PFKL: variants seen among roughly 807,000 people sequenced by gnomAD.
PFKL encodes the protein phosphofructokinase, liver type, also known as ATP-dependent 6-phosphofructokinase, liver type.
PFKL carries 74 observed loss-of-function variants against 92.1 expected under a neutral mutation model. That is an observed-to-expected ratio of 0.80 (90% CI 0.67 to 0.97). The LOEUF is 0.97. Ranked by LOEUF, PFKL falls within the 50% of genes least tolerant of loss-of-function variation. The probability of loss-of-function intolerance (pLI) is 0.00; values close to 1 mark genes in which losing one functional copy is unlikely to be tolerated. For synonymous variants in PFKL, 494 were observed against 456.4 expected (o/e 1.08, Z -1.05); for missense variants, 1,028 against 1,116.6 (o/e 0.92, Z 1.13).
chr21:44,303,847 C>G (rs2040849048), intron 1 of PFKL, among the ~76,000 whole-genome samples: 2 of 152,164 alleles, frequency 1.3e-5, no homozygotes, highest in Non-Finnish European at 2.9e-5. Context: ...CTATCACCTG[C>G]TGGTAGGCAG....
rs1404341266 is a variant in PFKL at position 44,300,306 on chromosome 21, CGCCCCGGCCTCCCGCCCCGGCCTCCT to C, written c.85+124_85+149del. On this transcript the variant is annotated intron_variant, in intron 1 of 21. Transcript: ENST00000349048. ...CGGGTCTCGGGCCGGCCCGGCCTCC[CGCCCCGGCCTCCCGCCCCGGCCTCCT>C]GCCCCGGGTCTGTCCCCCGCTCTTC... 1.0e-4 allele frequency: 32 copies of C among 321,304 alleles called. No individual in the cohort carries two copies. In the Admixed American group the frequency reaches 1.5e-3, roughly 15 times the overall value. The allele number at this position is 321,304 out of a possible 1,614,324, so 19.9% of individuals were successfully genotyped here. A position where few individuals can be genotyped will look rare whatever the true frequency, so the allele number is the denominator to read the frequency against.
intron 1 of PFKL, 58 bp downstream of exon 1, chr21:44,300,248 G>T (rs2040729461): frequency 1.2e-6 from 1 of 856,972 alleles, no homozygotes; most frequent in South Asian, 5.2e-5. Flanking sequence ...CTCCGCCCTG[G>T]CCTCTCCGGA....
In PFKL at chr21:44,326,174, A is replaced by G; in HGVS notation, c.2105A>G (p.Asn702Ser). 2 of 1,612,828 alleles carry G rather than the reference A, an allele frequency of 1.2e-6. No homozygotes were observed. Among genetic ancestry groups the G allele is most frequent in the Non-Finnish European group, 1.7e-6 (2 of 1,179,682 alleles). ...EVYRKGRVFANAPDSACVIGL... is the reference protein window; with the variant it reads ...EVYRKGRVFASAPDSACVIGL... ...CTGTTTGCAGGACGGGTGTTCGCCA[A>G]TGCCCCAGACTCGGCCTGCGTGATC... Residue 702 changes from asparagine (N) to serine (S), a missense_variant, in exon 21 of 22, where the codon AAT (asparagine) becomes AGT (serine). By Grantham distance (46) the Asn-to-Ser change is conservative. Transcript: ENST00000349048.
At chr21:44,315,523 TAGG>T in intron 7 of PFKL, 1 of 152,992 alleles carries the variant, frequency 6.5e-6, no homozygotes, top group Non-Finnish European at 1.5e-5. Context: ...CCTGTCCCTG[TAGG>T]AGGCATTGTG....
chr21:44,312,316 T>A, intron 4 of PFKL, 22 bp downstream of exon 4: 2 of 1,558,220 alleles, frequency 1.3e-6, no homozygotes, highest in East Asian at 2.5e-5. Flanking sequence ...CCCGGCGCAC[T>A]GTAGGCCCTG....
In PFKL at chr21:44,324,458, G is replaced by A. The variant is rs144833708; in HGVS notation, c.1651-33G>A. The stretch of plus-strand genomic sequence containing the variant: ...ACGGCCTACAGGGAAGGGTGGGCAC[G>A]TGGAGGACCCCCGACCCCCCCTTGT... On this transcript the variant is annotated intron_variant, in intron 16 of 21. Transcript: ENST00000349048. The A allele has an allele frequency of 1.9e-4, 301 of 1,610,374 alleles. 2 individuals are homozygous for A. The African/African-American group carries it at 3.0e-3, about 16-fold the overall frequency.
intron 19 of PFKL, 30 bp from the exon 20 acceptor site, chr21:44,325,931 T>A: frequency 6.4e-7 from 1 of 1,559,966 alleles, no homozygotes; most frequent in Non-Finnish European, 8.8e-7. Context: ...CCCAGGGGAG[T>A]CCAGGGAACC....
intron 18 of PFKL, 95 bp from the exon 19 acceptor site, chr21:44,325,058 C>A: frequency 1.7e-6 from 2 of 1,178,064 alleles, no homozygotes; most frequent in Non-Finnish European, 1.2e-6. Flanking sequence ...CTGGGAGCTG[C>A]CACTCCCTCT....
intron 1 of PFKL, chr21:44,305,143 G>A (rs772840782): frequency 9.2e-5 from 85 of 922,376 alleles, no homozygotes; most frequent in Non-Finnish European, 9.0e-5. Context: ...CTGGGCTCTG[G>A]AAGGTCCCTC....
At position 44,324,862 on chromosome 21, in the gene PFKL, G is replaced by A. The variant is rs887684613; in HGVS notation, c.1822G>A (p.Val608Met). 22 of 1,608,192 alleles carry A rather than the reference G, an allele frequency of 1.4e-5. No individual in the cohort carries two copies. The highest frequency in any genetic ancestry group is 2.2e-5 in the East Asian group (1 of 44,574). ...GTGTCCGCCCCTCCCGCAGGTCAAC[G>A]TGGAGCACATGACGGAGAAGATGAA... is the stretch of plus-strand genomic sequence containing the variant. ...PFNIHDLKVN[V>M]EHMTEKMKTD... Residue 608 changes from valine to methionine, a missense_variant, in exon 18 of 22, where the codon GTG becomes ATG. Val to Met is a conservative substitution (Grantham distance 21). Transcript: ENST00000349048.
At chr21:44,319,681 G>A (rs184820701) in intron 11 of PFKL, 67 of 565,640 alleles carry the variant, frequency 1.2e-4, no homozygotes, top group Admixed American at 5.7e-4. Flanking sequence ...GTGGATACAA[G>A]CCCAGGACAT....
intron 7 of PFKL, chr21:44,315,734 G>A: frequency 5.2e-6 from 1 of 192,346 alleles, no homozygotes. Flanking sequence ...GACCCACAGT[G>A]GCTTCAGGGT....
At position 44,318,492 on chromosome 21, in the gene PFKL, C is replaced by T. The variant is rs780589224; in HGVS notation, c.959C>T (p.Ala320Val). The change falls in exon 10 of 22, where the codon GCG (alanine) becomes GTG (valine). Residue 320 changes from alanine to valine, a missense_variant. Transcript: ENST00000349048. ...CAGAGCAGCAAGATGGGCATGGAGG[C>T]GGTGATGGCGCTGCTGGAAGCCACG... ...RILSSKMGME[A>V]VMALLEATPD... 2.0e-5 allele frequency: 32 copies of T among 1,564,914 alleles called. No homozygotes were observed. The highest frequency in any genetic ancestry group is 2.7e-5 in the African/African-American group (2 of 73,124).
intron 10 of PFKL, among the ~76,000 whole-genome samples, chr21:44,319,011 G>A (rs569187220): frequency 7.9e-5 from 12 of 152,262 alleles, no homozygotes; most frequent in South Asian, 2.1e-4. Flanking sequence ...GAGGAGGTAC[G>A]GGGAAGGCAG....
chr21:44,320,042 G>A, intron 11 of PFKL, 42 bp from the exon 12 acceptor site: 1 of 1,576,822 alleles, frequency 6.3e-7, no homozygotes, highest in Non-Finnish European at 8.7e-7. Context: ...GTACGCCGTG[G>A]CGCTGCAGGG....
At chr21:44,318,867 C>T (rs1431070358) in intron 10 of PFKL, among the ~76,000 whole-genome samples, 3 of 152,180 alleles carry the variant, frequency 2.0e-5, no homozygotes, top group African/African-American at 4.8e-5. Flanking sequence ...GGCCACTGAG[C>T]TTCTGTAGGC....
chr21:44,314,179 G>A (rs2047135018), intron 7 of PFKL, 158 bp downstream of exon 7: 1 of 619,888 alleles, frequency 1.6e-6, no homozygotes. Context: ...AGGAGTGGGG[G>A]GCTACGGGGC....
At chr21:44,313,820 A>G (rs945966499) in intron 6 of PFKL, 93 bp from the exon 7 acceptor site, 4 of 1,321,436 alleles carry the variant, frequency 3.0e-6, no homozygotes, top group Non-Finnish European at 4.2e-6. Flanking sequence ...AGAGACAGAG[A>G]AGCTGTGGCC....
intron 15 of PFKL, 125 bp downstream of exon 15, chr21:44,323,174 G>T: frequency 2.7e-6 from 2 of 745,754 alleles, no homozygotes; most frequent in Non-Finnish European, 4.5e-6. Flanking sequence ...AGAGGGTCGG[G>T]GTTTTAAGTG....
Sources: gnomAD v4.1 joint callset for allele counts (sites outside exome capture counted in the v4.1 genomes callset) on GRCh38, gnomAD v4.1.1 for gene constraint, MANE v1.5 for transcripts, NCBI Gene and HGNC (gene_info 2026-07-23, HGNC 2026-07-21) for gene names.